SGMS1: variants seen among roughly 807,000 people sequenced by gnomAD.
SGMS1 encodes sphingomyelin synthase 1, also known as phosphatidylcholine:ceramide cholinephosphotransferase 1.
In SGMS1, 13 loss-of-function variants were observed where a neutral mutation model predicts 46.2. The ratio of observed to expected loss-of-function variants is 0.28; its 90% CI spans 0.18 to 0.45. SGMS1 has a LOEUF of 0.45. Among genes scored for constraint, SGMS1 ranks in the 20% least tolerant of loss-of-function variants. The pLI is 1.00. For synonymous variants in SGMS1, 203 were observed against 187.8 expected (o/e 1.08, Z -0.66); for missense variants, 324 against 519.9 (o/e 0.62, Z 3.66).
At chr10:50,566,037 C>T (rs1272943519) in intron 2 of SGMS1, among the ~76,000 whole-genome samples, 2 of 152,242 alleles carry the variant, frequency 1.3e-5, no homozygotes, top group African/African-American at 4.8e-5. Flanking sequence ...GTTCTGGCAA[C>T]CCAGTATTCC....
chr10:50,508,259 T>G (rs1197613681), intron 3 of SGMS1, among the ~76,000 whole-genome samples: 1 of 152,182 alleles, frequency 6.6e-6, no homozygotes, highest in Non-Finnish European at 1.5e-5. Flanking sequence ...CATTTTGGCA[T>G]GCTAACCACA....
chr10:50,566,780 C>T (rs981326196), intron 2 of SGMS1, among the ~76,000 whole-genome samples: 7 of 152,228 alleles, frequency 4.6e-5, no homozygotes, highest in African/African-American at 1.4e-4. Flanking sequence ...ATCTACAAAG[C>T]TTAAGTCTCT....
At chr10:50,408,714 C>T (rs972887958) in intron 6 of SGMS1, among the ~76,000 whole-genome samples, 3 of 151,886 alleles carry the variant, frequency 2.0e-5, no homozygotes, top group African/African-American at 7.3e-5. Context: ...GTGGTGCATG[C>T]CTGTAGTCCC....
intron 3 of SGMS1, among the ~76,000 whole-genome samples, chr10:50,483,883 C>A (rs1837497887): frequency 6.6e-6 from 1 of 152,168 alleles, no homozygotes; most frequent in Admixed American, 6.5e-5. Flanking sequence ...CTCTGGGACA[C>A]AGCTAAAGCA....
intron 6 of SGMS1, among the ~76,000 whole-genome samples, chr10:50,348,604 G>C (rs1052726114): frequency 1.3e-5 from 2 of 151,970 alleles, no homozygotes; most frequent in Non-Finnish European, 2.9e-5. Context: ...GAATCCAACT[G>C]ACAAGGGATG....
At position 50,609,941 on chromosome 10, in the gene SGMS1, C is replaced by T. The variant is rs1480005272; in HGVS notation, c.-684+13766G>A. The stretch of plus-strand genomic sequence containing the variant: ...GCCTTTGGCATCAGCAGCCAAAGCT[C>T]CAGACCTATCTTCAGTACCCATCAG... On this transcript the variant is annotated intron_variant, in intron 1 of 10. Transcript: ENST00000361781. Among the ~76,000 whole-genome samples the T allele has an allele frequency of 3.3e-5, 5 of 152,248 alleles. No individual in the cohort carries two copies. In the East Asian group the frequency reaches 7.7e-4, roughly 24 times the overall value.
chr10:50,624,478 T>A (rs1404735546), upstream of SGMS1: 4 of 594,264 alleles, frequency 6.7e-6, no homozygotes, highest in African/African-American at 4.1e-5. Context: ...TAGACTCTCA[T>A]CTTTCTCCCA....
intron 6 of SGMS1, among the ~76,000 whole-genome samples, chr10:50,361,492 T>C (rs930048411): frequency 5.6e-4 from 86 of 152,294 alleles, no homozygotes; most frequent in African/African-American, 1.9e-3. Flanking sequence ...GCAAACAGGA[T>C]AGGGCAAGCC....
In SGMS1 at chr10:50,307,283, C is replaced by G; in HGVS notation, c.1101G>C (p.Arg367Ser). Residue 367 changes from arginine to serine, a missense_variant, in exon 11 of 11, where the codon AGG becomes AGC. Around this residue, in one of 2 missense-constraint regions of SGMS1, gnomAD observed 174 missense variants for 350.1 expected, o/e 0.50. Coordinates refer to ENST00000361781, the MANE Select transcript of SGMS1 (RefSeq NM_147156.4). The surrounding 1 kb of genome is among the most constrained non-coding windows in gnomAD (Gnocchi z 4.2). ...KEASQMNLLA[R>S]VWWYRPFQYF... ...ACTGAAATGGCCTGTACCACCACAC[C>G]CTGGCCAGGAGGTTCATCTGGGAAG... The G allele has an allele frequency of 3.7e-6, 6 of 1,613,838 alleles. No homozygotes were observed. The highest frequency in any genetic ancestry group is 4.2e-6 in the Non-Finnish European group (5 of 1,179,856).
chr10:50,623,693 G>GC lies in SGMS1; in HGVS notation c.-684+13dup. 1 of 985,390 alleles carries GC rather than the reference G, an allele frequency of 1.0e-6. No individual in the cohort carries two copies. Among genetic ancestry groups the GC allele is most frequent in the Non-Finnish European group, 1.2e-6 (1 of 829,920 alleles). 61.0% of individuals were successfully genotyped at this position (985,390 alleles called of 1,614,324 possible). A position where few individuals can be genotyped will look rare whatever the true frequency, so the allele number is the denominator to read the frequency against. The stretch of plus-strand genomic sequence containing the variant: ...ACCGTGAGGCCGGCTGTCTGTCCCT[G>GC]CCCCACGACTCACTTGCACTGGAGT... On this transcript the variant is annotated intron_variant, in intron 1 of 10. Coordinates refer to ENST00000361781, the MANE Select transcript of SGMS1 (RefSeq NM_147156.4).
intron 5 of SGMS1, among the ~76,000 whole-genome samples, chr10:50,455,583 T>C (rs1837180837): frequency 6.6e-6 from 1 of 152,256 alleles, no homozygotes; most frequent in African/African-American, 2.4e-5. Flanking sequence ...GAAAATTCTC[T>C]AGTCAGTCAA....
chr10:50,553,157 T>C (rs1041664301), intron 2 of SGMS1, among the ~76,000 whole-genome samples: 1 of 152,216 alleles, frequency 6.6e-6, no homozygotes, highest in Non-Finnish European at 1.5e-5. Flanking sequence ...ACGTTAATGT[T>C]GTCCACAATA....
At chr10:50,447,307 T>G (rs928489656) in intron 5 of SGMS1, among the ~76,000 whole-genome samples, 3 of 152,114 alleles carry the variant, frequency 2.0e-5, no homozygotes, top group Non-Finnish European at 4.4e-5. Context: ...AAAATTAAAT[T>G]TTACACCCTG....
At chr10:50,477,572 G>T (rs980081331) in intron 3 of SGMS1, among the ~76,000 whole-genome samples, 2 of 152,156 alleles carry the variant, frequency 1.3e-5, no homozygotes, top group Admixed American at 1.3e-4. Flanking sequence ...GGAGGAGCCA[G>T]GGGCAGAATG....
intron 1 of SGMS1, among the ~76,000 whole-genome samples, chr10:50,622,289 C>G (rs1170729255): frequency 6.6e-6 from 1 of 152,178 alleles, no homozygotes; most frequent in Non-Finnish European, 1.5e-5. Context: ...TCTGCACAGG[C>G]CAAAACAGCC....
Position 50,307,181 on chromosome 10 carries a change from A to G in SGMS1, c.1203T>C (p.Ser401=). The G allele has an allele frequency of 6.2e-7, 1 of 1,614,032 alleles. No individual in the cohort carries two copies. Among genetic ancestry groups the G allele is most frequent in the Non-Finnish European group, 8.5e-7 (1 of 1,179,972 alleles). Reference sequence around the variant, plus strand: ...CCAGCCGGCTGTATTTAACTTGCCTACTGAGGTGGACTACTGGCCAGGGGA... The same window carrying G: ...CCAGCCGGCTGTATTTAACTTGCCTGCTGAGGTGGACTACTGGCCAGGGGA... ...WPFPWPVVHL[S]RQVKYSRLVN... is the part of the protein sequence containing the mutation. The change falls in exon 11 of 11, where the codon AGT becomes AGC. Residue 401 remains serine, a synonymous_variant. Coordinates refer to ENST00000361781, the MANE Select transcript of SGMS1 (RefSeq NM_147156.4). The surrounding 1 kb of genome is among the most constrained non-coding windows in gnomAD (Gnocchi z 4.2).
chr10:50,545,778 C>A (rs1285028121), intron 2 of SGMS1, among the ~76,000 whole-genome samples: 1 of 152,058 alleles, frequency 6.6e-6, no homozygotes, highest in Non-Finnish European at 1.5e-5. Flanking sequence ...TAGAAGAGTA[C>A]AGCAGAGTGA....
chr10:50,553,120 C>T (rs1026193975), intron 2 of SGMS1, among the ~76,000 whole-genome samples: 2 of 152,092 alleles, frequency 1.3e-5, no homozygotes, highest in Admixed American at 6.5e-5. Flanking sequence ...TGATCTATGC[C>T]GACACTAAAT....
At chr10:50,585,153 GAGAT>G (rs1838472021) in intron 2 of SGMS1, among the ~76,000 whole-genome samples, 1 of 152,208 alleles carries the variant, frequency 6.6e-6, no homozygotes, top group South Asian at 2.1e-4. Flanking sequence ...CACACAAACA[GAGAT>G]AGATTAATTT....
Sources: gnomAD v4.1 joint callset for allele counts (sites outside exome capture counted in the v4.1 genomes callset) on GRCh38, gnomAD v4.1.1 for gene constraint, gnomAD v4.1.1 regional missense constraint, Gnocchi (gnomAD v3.1) non-coding constraint, MANE v1.5 for transcripts, NCBI Gene and HGNC (gene_info 2026-07-23, HGNC 2026-07-21) for gene names.